Variants in ATP2C1 observed in about 807,000 individuals in gnomAD.
ATP2C1 encodes the protein ATPase secretory pathway Ca2+ transporting 1.
ATP2C1 carries 31 observed loss-of-function variants against 120.5 expected under a neutral mutation model. The observed-to-expected ratio is 0.26, with a 90% CI of 0.19 to 0.35. The LOEUF (loss-of-function observed/expected upper bound fraction) is 0.35, where lower values mean the gene tolerates loss of function less well. Ranked by LOEUF, ATP2C1 falls within the 10% of genes least tolerant of loss-of-function variation. The pLI, the probability that ATP2C1 is intolerant of heterozygous loss-of-function variation, is 1.00. For synonymous variants in ATP2C1, 351 were observed against 358.7 expected (o/e 0.98, Z 0.24); for missense variants, 731 against 1,107.5 (o/e 0.66, Z 4.83).
intron 20 of ATP2C1, among the ~76,000 whole-genome samples, chr3:130,987,892 T>C (rs1279744613): frequency 6.6e-6 from 1 of 152,214 alleles, no homozygotes; most frequent in African/African-American, 2.4e-5. Flanking sequence ...GAATCTCAGT[T>C]TTGCTTGTTA....
At chr3:130,892,484 A>ATT (rs368093349), upstream of ATP2C1, among the ~76,000 whole-genome samples, 2 of 151,470 alleles carry the variant, frequency 1.3e-5, no homozygotes, top group Non-Finnish European at 2.9e-5. Context: ...TCTACTTGAT[A>ATT]TTTTTATGGG....
intron 20 of ATP2C1, among the ~76,000 whole-genome samples, chr3:130,988,468 A>G (rs1429190507): frequency 6.6e-6 from 1 of 152,160 alleles, no homozygotes; most frequent in African/African-American, 2.4e-5. Flanking sequence ...AATCAGGCCA[A>G]AATACCCAAC....
chr3:130,931,619 T>C (rs1045057535), intron 3 of ATP2C1, among the ~76,000 whole-genome samples: 1 of 152,170 alleles, frequency 6.6e-6, no homozygotes, highest in Non-Finnish European at 1.5e-5. Flanking sequence ...TTGTGGCTGA[T>C]TGTGTTATTT....
chr3:130,875,220 T>C (rs2068562521), intron 1 of ATP2C1, among the ~76,000 whole-genome samples: 1 of 152,144 alleles, frequency 6.6e-6, no homozygotes, highest in Non-Finnish European at 1.5e-5. Flanking sequence ...AACACTGTAA[T>C]GTATTTCTCC....
At chr3:131,016,021 A>T in intron 26 of ATP2C1, 1 of 1,224,580 alleles carries the variant, frequency 8.2e-7, no homozygotes, top group Non-Finnish European at 1.2e-6. Flanking sequence ...AATTACATTA[A>T]GATTAGTTTT....
At chr3:130,989,651 G>A (rs2062220390) in intron 20 of ATP2C1, among the ~76,000 whole-genome samples, 1 of 151,724 alleles carries the variant, frequency 6.6e-6, no homozygotes, top group African/African-American at 2.4e-5. Context: ...CTACTCTATG[G>A]AGTGTACTTT....
intron 1 of ATP2C1, among the ~76,000 whole-genome samples, chr3:130,873,747 A>C (rs1466240517): frequency 6.6e-6 from 1 of 152,216 alleles, no homozygotes; most frequent in Non-Finnish European, 1.5e-5. Flanking sequence ...GTATACTTTA[A>C]GTAAGTGTAA....
intron 2 of ATP2C1, among the ~76,000 whole-genome samples, chr3:130,923,392 A>G (rs372435068): frequency 1.3e-5 from 2 of 151,788 alleles, no homozygotes. Flanking sequence ...ATGCCTGGCT[A>G]ATTTTTTGTA....
rs2062890566 is a variant in ATP2C1, at chr3:131,001,664, A to G, written c.*314A>G. 1 of 1,049,024 alleles carries G rather than the reference A, an allele frequency of 9.5e-7. No individual in the cohort carries two copies. The highest frequency in any genetic ancestry group is 5.0e-5 in the Admixed American group (1 of 19,814). The allele number at this position is 1,049,024 out of a possible 1,614,324, so 65.0% of individuals were successfully genotyped here. A position where few individuals can be genotyped will look rare whatever the true frequency, so the allele number is the denominator to read the frequency against. ...GCACTTAAAGAAGTCTAACAGTACA[A>G]ATACACTATCTATCTTAGATAGATA... On this transcript the variant is annotated 3_prime_UTR_variant, in exon 28 of 28. Transcript: ENST00000510168.
At chr3:130,864,518 A>G (rs2068107662) in intron 1 of ATP2C1, among the ~76,000 whole-genome samples, 1 of 152,260 alleles carries the variant, frequency 6.6e-6, no homozygotes, top group Non-Finnish European at 1.5e-5. Flanking sequence ...CCCCAAGACC[A>G]TGGGGAAAGT....
intron 20 of ATP2C1, among the ~76,000 whole-genome samples, chr3:130,981,165 TC>T (rs1576979047): frequency 6.6e-6 from 1 of 152,082 alleles, no homozygotes; most frequent in Non-Finnish European, 1.5e-5. Flanking sequence ...AGTTCCATCA[TC>T]CCCCCAGATT....
intron 6 of ATP2C1, among the ~76,000 whole-genome samples, chr3:130,939,922 T>C (rs1171693495): frequency 6.6e-6 from 1 of 152,204 alleles, no homozygotes; most frequent in African/African-American, 2.4e-5. Context: ...TTCTTTTGCT[T>C]ACTACAGACA....
chr3:130,956,809 G>A (rs1034971971), intron 11 of ATP2C1, among the ~76,000 whole-genome samples: 2 of 152,040 alleles, frequency 1.3e-5, no homozygotes, highest in Admixed American at 1.3e-4. Flanking sequence ...CATTATTAGG[G>A]AAACCGAATG....
intron 11 of ATP2C1, 62 bp from the exon 12 acceptor site, chr3:130,959,213 G>A (rs2060712449): frequency 8.0e-7 from 1 of 1,255,716 alleles, no homozygotes; most frequent in East Asian, 2.4e-5. Flanking sequence ...CCTTCAGCTT[G>A]TTCTGTTCCT....
intron 18 of ATP2C1, 86 bp downstream of exon 18, chr3:130,975,574 T>C: frequency 7.0e-7 from 1 of 1,437,834 alleles, no homozygotes; most frequent in South Asian, 1.2e-5. Context: ...ACATTTGAGC[T>C]GTCCAACTCA....
rs1345150825 is a variant in ATP2C1, at chr3:130,941,489, T to A, written c.423-102T>A. 24 of 867,702 alleles carry A rather than the reference T, an allele frequency of 2.8e-5. No individual in the cohort carries two copies. The East Asian group carries it at 6.1e-4, about 22-fold the overall frequency. 53.8% of individuals were successfully genotyped at this position (867,702 alleles called of 1,614,324 possible). The stretch of plus-strand genomic sequence containing the variant: ...GAAACAGTCTTTTTCTTGGTTCTTA[T>A]ATTTGCCTTTTCCTCAGACAAGCCT... On this transcript the variant is annotated intron_variant, in intron 7 of 27. Coordinates refer to ENST00000510168, the MANE Select transcript of ATP2C1 (RefSeq NM_001378687.1).
At chr3:130,920,234 G>A (rs1000318188) in intron 2 of ATP2C1, among the ~76,000 whole-genome samples, 1 of 152,094 alleles carries the variant, frequency 6.6e-6, no homozygotes. Flanking sequence ...TTATGCTTTT[G>A]GTATTAAATC....
chr3:130,985,933 A>G (rs2061989163), intron 20 of ATP2C1, among the ~76,000 whole-genome samples: 1 of 152,184 alleles, frequency 6.6e-6, no homozygotes, highest in African/African-American at 2.4e-5. Flanking sequence ...GTACACTAAC[A>G]TGAACATTCT....
At chr3:130,956,600 G>T (rs2060591281) in intron 11 of ATP2C1, among the ~76,000 whole-genome samples, 3 of 150,160 alleles carry the variant, frequency 2.0e-5, no homozygotes, top group South Asian at 4.2e-4. Context: ...TTTTTTGAGG[G>T]TTTTTTTTTG....
Sources: gnomAD v4.1 joint callset for allele counts (sites outside exome capture counted in the v4.1 genomes callset) on GRCh38, gnomAD v4.1.1 for gene constraint, MANE v1.5 for transcripts, NCBI Gene and HGNC (gene_info 2026-07-23, HGNC 2026-07-21) for gene names.